SLC5A10: variants seen among roughly 807,000 people sequenced by gnomAD.
The protein encoded by SLC5A10 is solute carrier family 5 member 10.
Under a neutral mutation model 68.9 loss-of-function variants are expected in SLC5A10, and 55 were observed. That is an observed-to-expected ratio of 0.80 (90% CI 0.64 to 1.00). The LOEUF is 1.00. Among genes scored for constraint, SLC5A10 ranks in the 50% least tolerant of loss-of-function variants. The pLI, the probability that SLC5A10 is intolerant of heterozygous loss-of-function variation, is 0.00. For missense variants in SLC5A10, 732 were observed against 819.3 expected (o/e 0.89, Z 1.30); for synonymous variants, 344 against 344.8 (o/e 1.00, Z 0.02).
At chr17:18,952,828 A>G (rs2042400085) in intron 1 of SLC5A10, among the ~76,000 whole-genome samples, 1 of 152,074 alleles carries the variant, frequency 6.6e-6, no homozygotes, top group African/African-American at 2.4e-5. Context: ...CTCCCTTCAT[A>G]ACAGTGAGAA....
intron 9 of SLC5A10, among the ~76,000 whole-genome samples, chr17:19,006,107 G>C (rs2043882626): frequency 6.6e-6 from 1 of 152,168 alleles, no homozygotes; most frequent in African/African-American, 2.4e-5. Context: ...CAGTTGATGA[G>C]CAGGAAGGTT....
chr17:19,015,680 G>A (rs2044125327), intron 11 of SLC5A10, among the ~76,000 whole-genome samples: 1 of 152,150 alleles, frequency 6.6e-6, no homozygotes, highest in South Asian at 2.1e-4. Flanking sequence ...GACTCATGCT[G>A]ATCTTTCTGG....
intron 9 of SLC5A10, among the ~76,000 whole-genome samples, chr17:19,011,906 G>A (rs1004312785): frequency 5.9e-5 from 9 of 151,686 alleles, no homozygotes; most frequent in East Asian, 3.9e-4. Context: ...AAGAAGGGAC[G>A]TATCAGAAGG....
chr17:18,979,607 C>T (rs2043077498), intron 9 of SLC5A10: 2 of 1,613,478 alleles, frequency 1.2e-6, no homozygotes, highest in Non-Finnish European at 1.7e-6. Flanking sequence ...TGGGCCAGGG[C>T]ACCCTTGAAC....
intron 4 of SLC5A10, 77 bp downstream of exon 4, chr17:18,959,740 C>T (rs1180842539): frequency 5.2e-6 from 7 of 1,346,290 alleles, no homozygotes; most frequent in East Asian, 4.6e-5. Flanking sequence ...GCAGGACCAC[C>T]GTGGCCTCAC....
intron 12 of SLC5A10, 30 bp downstream of exon 12, chr17:19,019,621 G>T: frequency 6.2e-7 from 1 of 1,606,728 alleles, no homozygotes; most frequent in Non-Finnish European, 8.5e-7. Context: ...TCTCCCTGGG[G>T]ACGTGCCACA....
chr17:19,022,344 G>C lies in SLC5A10; in HGVS notation c.*1913G>C, dbSNP rs1435593878. On this transcript the variant is annotated 3_prime_UTR_variant, in exon 15 of 15. Transcript: ENST00000395645. The stretch of plus-strand genomic sequence containing the variant: ...CACACCCCTGCCTGTCTGCTGTGCA[G>C]ATGCTGCATCTACATAGAACACGGC... 2.3e-6 allele frequency: 1 copy of C among 441,046 alleles called. No homozygotes were observed. 27.3% of individuals were successfully genotyped at this position (441,046 alleles called of 1,614,324 possible). A position where few individuals can be genotyped will look rare whatever the true frequency, so the allele number is the denominator to read the frequency against.
At position 19,020,416 on chromosome 17, in the gene SLC5A10, T is replaced by G; in HGVS notation, c.1776T>G (p.Tyr592Ter). The G allele has an allele frequency of 6.2e-7, 1 of 1,613,860 alleles. No homozygotes were observed. The highest frequency in any genetic ancestry group is 1.1e-5 in the South Asian group (1 of 91,082). Reference sequence around the variant, plus strand: ...TCATGTGTGTCAACATATTCTTTTATGCCTACTTCGCCTGACACTGCCATC... The same window carrying G: ...TCATGTGTGTCAACATATTCTTTTAGGCCTACTTCGCCTGACACTGCCATC... ...ILLMCVNIFF[Y>*]AYFA The change falls in exon 15 of 15, where the codon TAT (tyrosine) becomes TAG (stop). Residue 592 changes from tyrosine (Y) to a stop codon, truncating the protein, a stop_gained. Transcript: ENST00000395645. LOFTEE classifies it high-confidence loss of function.
chr17:19,014,990 G>C, intron 10 of SLC5A10, 59 bp from the exon 11 acceptor site: 1 of 1,573,700 alleles, frequency 6.4e-7, no homozygotes, highest in Non-Finnish European at 8.7e-7. Context: ...CCAGGCGGGA[G>C]GGGTTCCCGG....
chr17:18,964,619 G>C lies in SLC5A10; in HGVS notation c.453+3967G>C, dbSNP rs140414859. 7.9e-4 allele frequency among the ~76,000 whole-genome samples: 121 copies of C among 152,364 alleles called. 3 individuals are homozygous for C. In the East Asian group the frequency reaches 0.021, roughly 27 times the overall value. The stretch of plus-strand genomic sequence containing the variant: ...GGGGGACAGAAATGGGGAGACAGGA[G>C]CAGGGAGTGGGCTCACTGGAGACAG... On this transcript the variant is annotated intron_variant, in intron 5 of 14. Coordinates refer to ENST00000395645, the MANE Select transcript of SLC5A10 (RefSeq NM_001042450.4).
At position 19,003,786 on chromosome 17, in the gene SLC5A10, G is replaced by A. The variant is rs1370799275; in HGVS notation, c.983-9624G>A. ...CCATTGTCCTCGGGCCCCTGAGAGG[G>A]GCCCGTGCCCCGAGGGTCCTCAGAG... On this transcript the variant is annotated intron_variant, in intron 9 of 14. Transcript: ENST00000395645. This position sits in a 1 kb window ranked among gnomAD's most constrained non-coding sequence, Gnocchi z 4.5. 6.2e-7 allele frequency: 1 copy of A among 1,611,786 alleles called. No individual in the cohort carries two copies. Among genetic ancestry groups the A allele is most frequent in the African/African-American group, 1.3e-5 (1 of 74,990 alleles).
Position 18,971,119 on chromosome 17 carries a change from C to T in SLC5A10, c.747C>T (p.Ala249=). ...CCTGCCACCTGCCACGTACAGACGC[C>T]ATGCACATGTTTCGAGACCCCCACA... is the stretch of plus-strand genomic sequence containing the variant. ...NTTCHLPRTD[A]MHMFRDPHTG... The change falls in exon 8 of 15, where the codon GCC becomes GCT. Residue 249 remains alanine (A), a synonymous_variant. Transcript: ENST00000395645. The surrounding 1 kb of genome is among the most constrained non-coding windows in gnomAD (Gnocchi z 5.5). The T allele has an allele frequency of 6.2e-7, 1 of 1,614,130 alleles. No individual in the cohort carries two copies. Among genetic ancestry groups the T allele is most frequent in the Non-Finnish European group, 8.5e-7 (1 of 1,180,040 alleles).
intron 9 of SLC5A10, among the ~76,000 whole-genome samples, chr17:19,005,004 C>T (rs1597898892): frequency 6.6e-6 from 1 of 152,210 alleles, no homozygotes; most frequent in African/African-American, 2.4e-5. Flanking sequence ...TCCCTGAGGT[C>T]ACACAGCGGG....
At chr17:18,976,784 C>A in intron 8 of SLC5A10, 70 bp from the exon 9 acceptor site, 1 of 1,581,304 alleles carries the variant, frequency 6.3e-7, no homozygotes, top group South Asian at 1.1e-5. Context: ...CCCTGAGGCC[C>A]ACCAAGGACC....
At position 19,003,637 on chromosome 17, in the gene SLC5A10, C is replaced by G. The variant is rs2152143098; in HGVS notation, c.983-9773C>G. 6.2e-7 allele frequency: 1 copy of G among 1,612,360 alleles called. No individual in the cohort carries two copies. Among genetic ancestry groups the G allele is most frequent in the East Asian group, 2.2e-5 (1 of 44,860 alleles). On this transcript the variant is annotated intron_variant, in intron 9 of 14. Coordinates refer to ENST00000395645, the MANE Select transcript of SLC5A10 (RefSeq NM_001042450.4). The surrounding 1 kb of genome is among the most constrained non-coding windows in gnomAD (Gnocchi z 4.5). ...CGCCGCGGTAGGCGATGGTGTCGGG[C>G]CAGCCCAGGTCCAGCTGCGGGATGG...
intron 8 of SLC5A10, among the ~76,000 whole-genome samples, chr17:18,974,726 C>T (rs957178945): frequency 3.3e-5 from 5 of 152,216 alleles, no homozygotes; most frequent in African/African-American, 9.6e-5. Flanking sequence ...CAGGCTTGGC[C>T]GGCTACACTA....
At chr17:18,973,392 C>A (rs1409962676) in intron 8 of SLC5A10, among the ~76,000 whole-genome samples, 1 of 152,356 alleles carries the variant, frequency 6.6e-6, no homozygotes, top group Non-Finnish European at 1.5e-5. Context: ...GGAGGAGGAA[C>A]ACTGCTGACC....
intron 2 of SLC5A10, 133 bp from the exon 3 acceptor site, chr17:18,959,002 C>A: frequency 1.1e-6 from 1 of 877,592 alleles, no homozygotes. Flanking sequence ...GAACACACAC[C>A]CTGGGCTCCT....
intron 9 of SLC5A10, among the ~76,000 whole-genome samples, chr17:18,994,766 G>A (rs1359175828): frequency 6.6e-6 from 1 of 152,204 alleles, no homozygotes; most frequent in African/African-American, 2.4e-5. Flanking sequence ...AAGAACCAGA[G>A]TGTAGACATG....
Sources: allele counts gnomAD v4.1 joint callset (sites outside exome capture counted in the v4.1 genomes callset), GRCh38; gene constraint gnomAD v4.1.1; non-coding constraint Gnocchi (gnomAD v3.1); transcripts MANE v1.5; gene names NCBI Gene and HGNC (gene_info 2026-07-23, HGNC 2026-07-21).